Variants in ADCY1 observed in about 807,000 individuals in gnomAD.
ADCY1 encodes the protein adenylate cyclase type 1.
In ADCY1, 28 loss-of-function variants were observed where a neutral mutation model predicts 105.4. That is an observed-to-expected ratio of 0.27 (90% CI 0.20 to 0.36). ADCY1 has a LOEUF of 0.36. Ranked by LOEUF, ADCY1 falls within the 10% of genes least tolerant of loss-of-function variation. ADCY1 has a pLI of 1.00. For missense variants in ADCY1, 977 were observed against 1,434.2 expected (o/e 0.68, Z 5.15); for synonymous variants, 655 against 623.8 (o/e 1.05, Z -0.75).
intron 3 of ADCY1, among the ~76,000 whole-genome samples, chr7:45,614,266 T>C (rs1186704545): frequency 1.3e-5 from 2 of 152,088 alleles, no homozygotes; most frequent in East Asian, 3.8e-4. Context: ...AAATAAATTA[T>C]GAAGAAGTTA....
chr7:45,629,604 C>T (rs555789579), intron 4 of ADCY1, among the ~76,000 whole-genome samples: 8 of 152,066 alleles, frequency 5.3e-5, no homozygotes, highest in East Asian at 3.9e-4. Flanking sequence ...CTGCAAGCTC[C>T]GCTTCCCGGG....
At chr7:45,642,772 A>C (rs573473321) in intron 4 of ADCY1, among the ~76,000 whole-genome samples, 12 of 152,118 alleles carry the variant, frequency 7.9e-5, no homozygotes, top group Non-Finnish European at 1.5e-4. Flanking sequence ...ATTGCACCCA[A>C]TGGTTTTATA....
intron 14 of ADCY1, among the ~76,000 whole-genome samples, chr7:45,694,832 C>T (rs1327262358): frequency 6.6e-6 from 1 of 152,208 alleles, no homozygotes; most frequent in Admixed American, 6.5e-5. Context: ...GTTTTTTATT[C>T]TTGCCAGTGG....
intron 8 of ADCY1, among the ~76,000 whole-genome samples, chr7:45,672,748 G>A (rs932417170): frequency 2.6e-5 from 4 of 151,520 alleles, no homozygotes; most frequent in East Asian, 1.9e-4. Context: ...TCATCATGTC[G>A]TCTGAAACTA....
At chr7:45,640,041 G>C (rs553660939) in intron 4 of ADCY1, among the ~76,000 whole-genome samples, 2 of 152,162 alleles carry the variant, frequency 1.3e-5, no homozygotes, top group Non-Finnish European at 2.9e-5. Flanking sequence ...TGCTTTAAGG[G>C]AATATAAGAC....
intron 19 of ADCY1, among the ~76,000 whole-genome samples, chr7:45,712,053 A>G (rs1785267632): frequency 7.7e-6 from 1 of 130,450 alleles, no homozygotes; most frequent in Admixed American, 8.4e-5. Flanking sequence ...TATATAATAT[A>G]TTAAATATAT....
At chr7:45,596,329 G>C (rs1230413916) in intron 2 of ADCY1, among the ~76,000 whole-genome samples, 9 of 151,714 alleles carry the variant, frequency 5.9e-5, no homozygotes, top group Non-Finnish European at 1.3e-4. Flanking sequence ...GTGGATTGGG[G>C]GATGCACTGA....
At chr7:45,677,684 C>T (rs1194794691) in intron 8 of ADCY1, among the ~76,000 whole-genome samples, 185 bp from the exon 9 acceptor site, 1 of 152,204 alleles carries the variant, frequency 6.6e-6, no homozygotes, top group African/African-American at 2.4e-5. Context: ...GGAACCCCAA[C>T]ACTGGCTGCT....
Position 45,717,469 on chromosome 7 carries a change from A to T in ADCY1, c.*3474A>T, listed in dbSNP as rs1190811605. On this transcript the variant is annotated 3_prime_UTR_variant, in exon 20 of 20. Transcript: ENST00000297323. Reference sequence around the variant, plus strand: ...TAATCATGTACAATATTCATGTACAAATGTTAGAGCCATTCGGGTAGGATT... The same window carrying T: ...TAATCATGTACAATATTCATGTACATATGTTAGAGCCATTCGGGTAGGATT... 4 of 152,606 alleles carry T rather than the reference A, an allele frequency of 2.6e-5. No individual in the cohort carries two copies. Among genetic ancestry groups the T allele is most frequent in the Non-Finnish European group, 4.4e-5 (3 of 68,038 alleles). 9.5% of individuals were successfully genotyped at this position (152,606 alleles called of 1,614,324 possible).
intron 1 of ADCY1, among the ~76,000 whole-genome samples, chr7:45,585,508 A>T (rs1476581016): frequency 1.4e-5 from 2 of 145,226 alleles, no homozygotes; most frequent in African/African-American, 5.2e-5. Context: ...CAATGGCGCG[A>T]TCTCATCTCA....
At chr7:45,685,103 G>A (rs201812333) in intron 12 of ADCY1, 35 bp downstream of exon 12, 53 of 1,580,916 alleles carry the variant, frequency 3.4e-5, no homozygotes, top group Admixed American at 1.7e-4. Flanking sequence ...GCGCTGGGGC[G>A]GGAGAGGGCA....
chr7:45,685,124 G>T, intron 12 of ADCY1, 56 bp downstream of exon 12: 1 of 1,496,570 alleles, frequency 6.7e-7, no homozygotes, highest in South Asian at 1.1e-5. Flanking sequence ...TGGCATGGAG[G>T]ACCAGCCCAG....
chr7:45,611,060 G>A (rs538261064), intron 3 of ADCY1, among the ~76,000 whole-genome samples: 1 of 152,130 alleles, frequency 6.6e-6, no homozygotes, highest in South Asian at 2.1e-4. Context: ...TGGAAGTGAG[G>A]AGGTGATAGT....
At chr7:45,664,168 TA>T in intron 8 of ADCY1, 1 of 903,694 alleles carries the variant, frequency 1.1e-6, no homozygotes, top group Non-Finnish European at 1.7e-6. Flanking sequence ...GCGTTCCTGC[TA>T]AAACTGGATT....
chr7:45,709,965 C>T (rs912812710), intron 18 of ADCY1, among the ~76,000 whole-genome samples: 2 of 152,160 alleles, frequency 1.3e-5, no homozygotes, highest in African/African-American at 2.4e-5. Context: ...TGCAGCTGTC[C>T]GGAGGCCAGT....
At chr7:45,687,564 G>A (rs1018404971) in intron 14 of ADCY1, among the ~76,000 whole-genome samples, 2 of 152,190 alleles carry the variant, frequency 1.3e-5, no homozygotes. Context: ...CTCCTCCTAG[G>A]TTTCCTCCCC....
At chr7:45,600,302 A>G (rs1406120133) in intron 2 of ADCY1, among the ~76,000 whole-genome samples, 1 of 152,214 alleles carries the variant, frequency 6.6e-6, no homozygotes, top group Non-Finnish European at 1.5e-5. Flanking sequence ...GGGACCTCTG[A>G]CAGGGTGAGG....
chr7:45,699,998 G>T (rs983860302), intron 14 of ADCY1, among the ~76,000 whole-genome samples: 1 of 152,152 alleles, frequency 6.6e-6, no homozygotes, highest in Non-Finnish European at 1.5e-5. Flanking sequence ...GTTATCAAGG[G>T]CTGGGACTGC....
In ADCY1 at chr7:45,716,057, A is replaced by T. The variant is rs762591828; in HGVS notation, c.*2062A>T. Reference sequence around the variant, plus strand: ...TGAGGGCAGAGCTCGGGCACCTTTCATCTTCCTTGGGTGGTCCTCATGTCG... The same window carrying T: ...TGAGGGCAGAGCTCGGGCACCTTTCTTCTTCCTTGGGTGGTCCTCATGTCG... On this transcript the variant is annotated 3_prime_UTR_variant, in exon 20 of 20. Transcript: ENST00000297323. 6.6e-6 allele frequency: 1 copy of T among 152,550 alleles called. No individual in the cohort carries two copies. Among genetic ancestry groups the T allele is most frequent in the South Asian group, 2.1e-4 (1 of 4,822 alleles). 9.4% of individuals were successfully genotyped at this position (152,550 alleles called of 1,614,324 possible). A position where few individuals can be genotyped will look rare whatever the true frequency, so the allele number is the denominator to read the frequency against.
Sources: gnomAD v4.1 joint callset for allele counts (sites outside exome capture counted in the v4.1 genomes callset) on GRCh38, gnomAD v4.1.1 for gene constraint, MANE v1.5 for transcripts, NCBI Gene and HGNC (gene_info 2026-07-23, HGNC 2026-07-21) for gene names.